ANKAR: variants seen among roughly 807,000 people sequenced by gnomAD.
ANKAR encodes ankyrin and armadillo repeat containing, also known as ankyrin and armadillo repeat-containing protein.
Under a neutral mutation model 146.2 loss-of-function variants are expected in ANKAR, and 136 were observed. That is an observed-to-expected ratio of 0.93 (90% CI 0.81 to 1.07). The LOEUF is 1.07. ANKAR is among the 50% of genes least tolerant of loss of function. ANKAR has a pLI of 0.00. For missense variants in ANKAR, 1,567 were observed against 1,679.9 expected (o/e 0.93, Z 1.18); for synonymous variants, 500 against 575.8 (o/e 0.87, Z 1.88).
intron 7 of ANKAR, among the ~76,000 whole-genome samples, chr2:189,704,508 G>A (rs1238087116): frequency 8.3e-6 from 1 of 120,486 alleles, no homozygotes; most frequent in Non-Finnish European, 1.7e-5. Flanking sequence ...AAAGAAAAAT[G>A]CCCATTGGAT....
At chr2:189,741,228 T>C (rs2043302557) in intron 19 of ANKAR, 114 bp from the exon 20 acceptor site, 2 of 603,552 alleles carry the variant, frequency 3.3e-6, no homozygotes, top group South Asian at 5.8e-5. Flanking sequence ...TGCTGCTTCA[T>C]TGACAGAGAT....
At chr2:189,704,544 CATAT>C (rs10578902) in intron 7 of ANKAR, among the ~76,000 whole-genome samples, 970 of 35,872 alleles carry the variant, frequency 0.027, 4 homozygotes, top group Non-Finnish European at 0.033. Flanking sequence ...CCTTTGTTAA[CATAT>C]ATATATATAT....
chr2:189,696,474 A>G, intron 7 of ANKAR, 105 bp downstream of exon 7: 8 of 1,087,936 alleles, frequency 7.4e-6, no homozygotes, highest in Non-Finnish European at 1.0e-5. Flanking sequence ...GGTATTAACT[A>G]GAGCAAAGTT....
At chr2:189,704,583 A>AGCAGG (rs2038628689) in intron 7 of ANKAR, among the ~76,000 whole-genome samples, 4 of 110,832 alleles carry the variant, frequency 3.6e-5, no homozygotes, top group Non-Finnish European at 7.3e-5. Context: ...ATATATATAT[A>AGCAGG]TATATATATA....
In ANKAR at chr2:189,728,011, G is replaced by A. The variant is rs2105829091; in HGVS notation, c.2791G>A (p.Val931Met). The change falls in exon 13 of 23, where the codon GTG becomes ATG. Residue 931 changes from valine to methionine, a missense_variant. Transcript: ENST00000684021. ...ISVQMKGAMA[V>M]ESLASHNALI... ...TGTCCAAATGAAAGGTGCAATGGCT[G>A]TGGAATCACTGGCAAGTCACAACGC... 6.2e-7 allele frequency: 1 copy of A among 1,614,006 alleles called. No individual in the cohort carries two copies. The highest frequency in any genetic ancestry group is 8.5e-7 in the Non-Finnish European group (1 of 1,179,966).
chr2:189,675,940 A>C (rs1381997174), intron 1 of ANKAR: 1 of 155,124 alleles, frequency 6.4e-6, no homozygotes, highest in Non-Finnish European at 1.4e-5. Flanking sequence ...TTACCATGTG[A>C]CACACTGGCT....
Position 189,719,678 on chromosome 2 carries a change from T to G in ANKAR, c.2331T>G (p.His777Gln), listed in dbSNP as rs1408548491. ...SNISTHKSAV[H>Q]ALVEAGGIPS... ...TCTCAACCCACAAAAGTGCAGTGCA[T>G]GCTTTGGTAGAAGCGGGAGGCATTC... is the stretch of plus-strand genomic sequence containing the variant. Residue 777 changes from histidine (H) to glutamine (Q), a missense_variant, in exon 11 of 23, where the codon CAT becomes CAG. His to Gln is a conservative substitution (Grantham distance 24, BLOSUM62 0). Transcript: ENST00000684021. 7 of 1,614,070 alleles carry G rather than the reference T, an allele frequency of 4.3e-6. No homozygotes were observed. The highest frequency in any genetic ancestry group is 5.9e-6 in the Non-Finnish European group (7 of 1,180,036).
At chr2:189,684,782 C>CA (rs1180265610) in intron 2 of ANKAR, among the ~76,000 whole-genome samples, 1 of 146,046 alleles carries the variant, frequency 6.8e-6, no homozygotes, top group African/African-American at 2.6e-5. Context: ...TGCCGTGAGC[C>CA]AAGATCATAC....
intron 10 of ANKAR, 116 bp from the exon 11 acceptor site, chr2:189,719,456 A>G: frequency 2.7e-6 from 2 of 749,372 alleles, no homozygotes; most frequent in Non-Finnish European, 1.8e-6. Flanking sequence ...GAATTATTTC[A>G]TAATTATTTA....
At chr2:189,688,144 TGA>T (rs2035875113) in intron 2 of ANKAR, among the ~76,000 whole-genome samples, 1 of 152,184 alleles carries the variant, frequency 6.6e-6, no homozygotes, top group South Asian at 2.1e-4. Flanking sequence ...TTGTATATGG[TGA>T]GAGATAGGGG....
chr2:189,691,171 T>C (rs2036333003), intron 3 of ANKAR, among the ~76,000 whole-genome samples: 1 of 152,164 alleles, frequency 6.6e-6, no homozygotes, highest in Non-Finnish European at 1.5e-5. Context: ...TTCTCCTGTC[T>C]CAGCCTCCCA....
intron 18 of ANKAR, chr2:189,752,734 A>G (rs1317336452): frequency 6.2e-7 from 1 of 1,613,932 alleles, no homozygotes; most frequent in Non-Finnish European, 8.5e-7. Context: ...CCTAAATAAG[A>G]AGCATTAAAA....
chr2:189,728,756 G>GC lies in ANKAR; in HGVS notation c.3128_3129insC (p.Arg1043SerfsTer3). 1 of 1,613,964 alleles carries GC rather than the reference G, an allele frequency of 6.2e-7. No individual in the cohort carries two copies. The highest frequency in any genetic ancestry group is 8.5e-7 in the Non-Finnish European group (1 of 1,179,870). ...ATTGCACCATTGGTTCGCTTACTAA[G>GC]AATTAGTACGATTGCTGAAGGCACA... On this transcript the variant is annotated frameshift_variant, in exon 15 of 23. Transcript: ENST00000684021. LOFTEE classifies it high-confidence loss of function.
chr2:189,762,861 G>A (rs2047332963), downstream of ANKAR: 4 of 985,452 alleles, frequency 4.1e-6, no homozygotes, highest in African/African-American at 5.2e-5. Flanking sequence ...CATGCTTAGT[G>A]AAGAAAAGCT....
At chr2:189,762,179 T>C (rs2047173527), downstream of ANKAR, among the ~76,000 whole-genome samples, 1 of 152,234 alleles carries the variant, frequency 6.6e-6, no homozygotes, top group African/African-American at 2.4e-5. Context: ...TTATCCTTAA[T>C]TGCAATCTTT....
chr2:189,757,409 T>G (rs185499143), intron 18 of ANKAR, among the ~76,000 whole-genome samples: 90 of 152,370 alleles, frequency 5.9e-4, no homozygotes, highest in Non-Finnish European at 1.1e-3. Flanking sequence ...ATCTGCTTAC[T>G]GTCTTCTTCA....
chr2:189,762,524 A>T, downstream of ANKAR: 1 of 884,130 alleles, frequency 1.1e-6, no homozygotes, highest in Non-Finnish European at 1.4e-6. Context: ...GATTGTACGA[A>T]GCACTACCCT....
intron 4 of ANKAR, 114 bp from the exon 5 acceptor site, chr2:189,692,960 G>C (rs774907689): frequency 1.9e-6 from 1 of 533,874 alleles, no homozygotes; most frequent in Non-Finnish European, 3.2e-6. Context: ...GGGTCTTCTG[G>C]AATAGTAAAT....
intron 10 of ANKAR, among the ~76,000 whole-genome samples, chr2:189,711,625 C>T (rs969411624): frequency 6.6e-6 from 1 of 152,178 alleles, no homozygotes. Context: ...CTACTGGGGT[C>T]CGTTCCAAGA....
Sources: allele counts gnomAD v4.1 joint callset (sites outside exome capture counted in the v4.1 genomes callset), GRCh38; gene constraint gnomAD v4.1.1; transcripts MANE v1.5; gene names NCBI Gene and HGNC (gene_info 2026-07-23, HGNC 2026-07-21).